TMEM42: variants seen among roughly 807,000 people sequenced by gnomAD.
TMEM42 encodes the protein transmembrane protein 42.
In TMEM42, 8 loss-of-function variants were observed where a neutral mutation model predicts 14.0. The ratio of observed to expected loss-of-function variants is 0.57; its 90% confidence interval spans 0.34 to 1.03. The LOEUF is 1.03. Among genes scored for constraint, TMEM42 ranks in the 50% least tolerant of loss-of-function variants. TMEM42 has a pLI of 0.03. For missense variants in TMEM42, 211 were observed against 219.8 expected, an observed-to-expected ratio of 0.96 and a Z score of 0.25; for synonymous variants, 115 against 94.3, an observed-to-expected ratio of 1.22 and a Z score of -1.27.
In TMEM42 at chr3:44,865,334, G is replaced by T. The variant is rs759794304; in HGVS notation, c.*154G>T. 1.8e-5 allele frequency: 17 copies of T among 937,952 alleles called. 1 individual carries two copies. The highest frequency in any genetic ancestry group is 2.6e-5 in the Non-Finnish European group (16 of 621,860). 58.1% of individuals were successfully genotyped at this position (937,952 alleles called of 1,614,324 possible). ...CTCTGATGGAGCAGGCTCTGGCTCT[G>T]TAAGGAGAGGTGCAGCTGCAGCAGT... On this transcript the variant is annotated 3_prime_UTR_variant, in exon 3 of 3. Coordinates refer to ENST00000302392, the MANE Select transcript of TMEM42 (RefSeq NM_144638.3).
rs921708576 is a variant in TMEM42 at position 44,865,264 on chromosome 3, G to A, written c.*84G>A. The A allele has an allele frequency of 8.3e-6, 13 of 1,564,684 alleles. No homozygotes were observed. Among genetic ancestry groups the A allele is most frequent in the Admixed American group, 1.7e-5 (1 of 58,750 alleles). ...GTCATGTGGGACTGTATCCTAGGGC[G>A]ATCCAGTTGTGCAGCCTTCTGACCA... On this transcript the variant is annotated 3_prime_UTR_variant, in exon 3 of 3. Coordinates refer to ENST00000302392, the MANE Select transcript of TMEM42 (RefSeq NM_144638.3).
At chr3:44,863,300 A>ACCAC (rs1699280451) in intron 1 of TMEM42, 1 of 35,110 alleles carries the variant, frequency 2.8e-5, no homozygotes, top group Non-Finnish European at 5.8e-5. Context: ...TAGATTCCGC[A>ACCAC]CCCCCCCCCC....
At position 44,862,012 on chromosome 3, in the gene TMEM42, G is replaced by A; in HGVS notation, c.88G>A (p.Ala30Thr). The A allele has an allele frequency of 1.4e-6, 2 of 1,381,550 alleles. No homozygotes were observed. The highest frequency in any genetic ancestry group is 1.9e-6 in the Non-Finnish European group (2 of 1,065,502). The allele number at this position is 1,381,550 out of a possible 1,614,324, so 85.6% of individuals were successfully genotyped here. A position where few individuals can be genotyped will look rare whatever the true frequency, so the allele number is the denominator to read the frequency against. ...TPAEFPPHLQ[A>T]GAMRRRFWGV... ...CGCGGAATTCCCTCCGCACCTCCAG[G>A]CGGGTGCGATGCGGCGCCGCTTTTG... The change falls in exon 1 of 3, where the codon GCG becomes ACG. Residue 30 changes from alanine (A) to threonine (T), a missense_variant. By Grantham distance (58) the Ala-to-Thr change is moderately conservative. Transcript: ENST00000302392.
chr3:44,864,750 G>A (rs768756045), intron 2 of TMEM42, among the ~76,000 whole-genome samples: 1 of 152,284 alleles, frequency 6.6e-6, no homozygotes, highest in Non-Finnish European at 1.5e-5. Context: ...TCAATCTTGA[G>A]TTGAGGGAGA....
rs763911889 is a variant in TMEM42, at chr3:44,864,184, C to T, written c.193-13C>T. 3 of 1,613,388 alleles carry T rather than the reference C, an allele frequency of 1.9e-6. No individual in the cohort carries two copies. Among genetic ancestry groups the T allele is most frequent in the African/African-American group, 1.3e-5 (1 of 74,886 alleles). Reference sequence around the variant, plus strand: ...CAGGGTGGACGTGGCTGCAGTGACACTTTCTCCTGCAGGTGAGCATGGGTT... The same window carrying T: ...CAGGGTGGACGTGGCTGCAGTGACATTTTCTCCTGCAGGTGAGCATGGGTT... On this transcript the variant is annotated splice_polypyrimidine_tract_variant and intron_variant, in intron 1 of 2. Transcript: ENST00000302392.
At chr3:44,864,439 C>G (rs570699396) in intron 2 of TMEM42, 96 bp downstream of exon 2, 1 of 1,500,610 alleles carries the variant, frequency 6.7e-7, no homozygotes, top group Non-Finnish European at 9.1e-7. Flanking sequence ...GGAGAAAGGA[C>G]AGGAACTGAA....
At chr3:44,863,454 C>G (rs991857745) in intron 1 of TMEM42, 3 of 152,122 alleles carry the variant, frequency 2.0e-5, no homozygotes, top group Non-Finnish European at 4.4e-5. Flanking sequence ...CCTGCAAGTT[C>G]TCCAAGGGAT....
rs201636053 is a variant in TMEM42 at position 44,864,199 on chromosome 3, G to A, written c.195G>A (p.Val65=). The A allele has an allele frequency of 4.3e-6, 7 of 1,613,956 alleles. No homozygotes were observed. Among genetic ancestry groups the A allele is most frequent in the Non-Finnish European group, 5.1e-6 (6 of 1,180,030 alleles). The change falls in exon 2 of 3, where the codon GTG becomes GTA. Residue 65 remains valine (V), a splice_region_variant and synonymous_variant. Transcript: ENST00000302392. ...ASAKLAFGSE[V]SMGLCVLGII... ...TGCAGTGACACTTTCTCCTGCAGGTGAGCATGGGTTTATGCGTCTTAGGCA... is the reference window on the plus strand; with the variant it reads ...TGCAGTGACACTTTCTCCTGCAGGTAAGCATGGGTTTATGCGTCTTAGGCA...
chr3:44,864,049 G>A, intron 1 of TMEM42, 148 bp from the exon 2 acceptor site: 1 of 848,602 alleles, frequency 1.2e-6, no homozygotes, highest in Non-Finnish European at 1.9e-6. Context: ...GTGAAGCCCT[G>A]TGCAGGAAAG....
intron 2 of TMEM42, 109 bp downstream of exon 2, chr3:44,864,452 A>G (rs1344527089): frequency 7.0e-7 from 1 of 1,429,140 alleles, no homozygotes; most frequent in Non-Finnish European, 9.6e-7. Context: ...GAACTGAAGC[A>G]GAGGTTGGGC....
rs781461913 is a variant in TMEM42 at position 44,862,036 on chromosome 3, T to G, written c.112T>G (p.Trp38Gly). The G allele has an allele frequency of 6.5e-6, 9 of 1,385,324 alleles. No homozygotes were observed. The highest frequency in any genetic ancestry group is 3.5e-5 in the Admixed American group (1 of 28,966). 85.8% of individuals were successfully genotyped at this position (1,385,324 alleles called of 1,614,324 possible). The part of the protein sequence containing the change: ...LQAGAMRRRF[W>G]GVFNCLCAGA... The stretch of plus-strand genomic sequence containing the variant: ...GGCGGGTGCGATGCGGCGCCGCTTT[T>G]GGGGCGTATTCAACTGTCTGTGCGC... Residue 38 changes from tryptophan to glycine, a missense_variant, in exon 1 of 3, where the codon TGG (tryptophan) becomes GGG (glycine). Physicochemically the swap from Trp to Gly is radical, Grantham distance 184. Transcript: ENST00000302392.
Position 44,861,938 on chromosome 3 carries a change from CG to C in TMEM42, c.18del (p.Pro7LeufsTer59). On this transcript the variant is annotated frameshift_variant, in exon 1 of 3. Transcript: ENST00000302392. LOFTEE classifies it high-confidence loss of function. MAER[P>X]GPPGGAVSAT... ...TCAGCAGGCAACATGGCCGAGAGGC[CG>C]GGGCCTCCGGGCGGCGCCGTGTCCG... 3 of 1,421,372 alleles carry C rather than the reference CG, an allele frequency of 2.1e-6. No homozygotes were observed. The highest frequency in any genetic ancestry group is 1.9e-4 in the Middle Eastern group (1 of 5,194). The allele number at this position is 1,421,372 out of a possible 1,614,324, so 88.0% of individuals were successfully genotyped here. A position where few individuals can be genotyped will look rare whatever the true frequency, so the allele number is the denominator to read the frequency against.
chr3:44,863,358 G>A (rs1699284628), intron 1 of TMEM42: 1 of 134,108 alleles, frequency 7.5e-6, no homozygotes, highest in South Asian at 2.7e-4. Context: ...CCAAGCAAGG[G>A]GGACTGCATA....
chr3:44,862,938 A>C (rs1433384786), intron 1 of TMEM42: 2 of 152,006 alleles, frequency 1.3e-5, no homozygotes, highest in Non-Finnish European at 2.9e-5. Flanking sequence ...AAAATGAATA[A>C]CTTTGTATGG....
At chr3:44,863,127 A>G (rs1245369159) in intron 1 of TMEM42, 5 of 151,802 alleles carry the variant, frequency 3.3e-5, no homozygotes, top group Non-Finnish European at 5.9e-5. Flanking sequence ...ATCATATATC[A>G]TTAGTGTTAG....
chr3:44,862,106 T>C lies in TMEM42; in HGVS notation c.182T>C (p.Phe61Ser), dbSNP rs1699261217. Residue 61 changes from phenylalanine to serine, a missense_variant, in exon 1 of 3, where the codon TTC (phenylalanine) becomes TCC (serine). Phe to Ser is a radical substitution (Grantham distance 155, BLOSUM62 -2). Transcript: ENST00000302392. ...GCCGCCGCCTCCGCCAAGCTGGCCT[T>C]CGGCAGCGAGGTCGAGCCCGGGGCG... ...ALAAASAKLA[F>S]GSEVSMGLCV... 9.3e-7 allele frequency: 1 copy of C among 1,075,732 alleles called. No homozygotes were observed. Among genetic ancestry groups the C allele is most frequent in the African/African-American group, 1.7e-5 (1 of 59,502 alleles). The allele number at this position is 1,075,732 out of a possible 1,614,324, so 66.6% of individuals were successfully genotyped here.
chr3:44,864,638 G>T (rs1482158057), intron 2 of TMEM42, among the ~76,000 whole-genome samples: 1 of 152,150 alleles, frequency 6.6e-6, no homozygotes, highest in East Asian at 1.9e-4. Flanking sequence ...TGTTTCCTAG[G>T]GTTCTGTGTA....
chr3:44,862,060 G>T lies in TMEM42; in HGVS notation c.136G>T (p.Ala46Ser). 7.5e-7 allele frequency: 1 copy of T among 1,325,548 alleles called. No homozygotes were observed. The highest frequency in any genetic ancestry group is 9.7e-7 in the Non-Finnish European group (1 of 1,032,116). The allele number at this position is 1,325,548 out of a possible 1,614,324, so 82.1% of individuals were successfully genotyped here. The change falls in exon 1 of 3, where the codon GCC becomes TCC. Residue 46 changes from alanine (A) to serine (S), a missense_variant. Physicochemically the swap from Ala to Ser is moderately conservative, Grantham distance 99. Coordinates refer to ENST00000302392, the MANE Select transcript of TMEM42 (RefSeq NM_144638.3). The part of the protein sequence containing the change: ...RFWGVFNCLC[A>S]GAFGALAAAS... Reference sequence around the variant, plus strand: ...TTGGGGCGTATTCAACTGTCTGTGCGCCGGCGCGTTCGGGGCCCTGGCCGC... The same window carrying T: ...TTGGGGCGTATTCAACTGTCTGTGCTCCGGCGCGTTCGGGGCCCTGGCCGC...
At position 44,864,301 on chromosome 3, in the gene TMEM42, C is replaced by G; in HGVS notation, c.297C>G (p.Ala99=). Residue 99 remains alanine (A), a synonymous_variant, in exon 2 of 3, where the codon GCC becomes GCG. Transcript: ENST00000302392. ...GCCTCAGTTTCTCCATGTCTTCAGC[C>G]ATTGCATCTGTCACAGTGACTTTTT... ...SRGLSFSMSS[A]IASVTVTFSN... 6.2e-7 allele frequency: 1 copy of G among 1,614,188 alleles called. No individual in the cohort carries two copies. The highest frequency in any genetic ancestry group is 1.1e-5 in the South Asian group (1 of 91,084).
Sources: allele counts gnomAD v4.1 joint callset (sites outside exome capture counted in the v4.1 genomes callset), GRCh38; gene constraint gnomAD v4.1.1; transcripts MANE v1.5; gene names NCBI Gene and HGNC (gene_info 2026-07-23, HGNC 2026-07-21).